KIAA1217: variants seen among roughly 807,000 people sequenced by gnomAD.
The protein encoded by KIAA1217 is sickle tail protein homolog.
KIAA1217 carries 88 observed loss-of-function variants against 163.9 expected under a neutral mutation model. The ratio of observed to expected loss-of-function variants is 0.54; its 90% CI spans 0.45 to 0.64. The LOEUF (loss-of-function observed/expected upper bound fraction) is 0.64. Ranked by LOEUF, KIAA1217 falls within the 30% of genes least tolerant of loss-of-function variation. The probability of loss-of-function intolerance (pLI) is 0.00; values close to 1 mark genes in which losing one functional copy is unlikely to be tolerated. For synonymous variants in KIAA1217, 903 were observed against 923.1 expected (o/e 0.98, Z 0.39); for missense variants, 2,372 against 2,475.0 (o/e 0.96, Z 0.88).
intron 2 of KIAA1217, among the ~76,000 whole-genome samples, chr10:24,087,247 T>A (rs1363792705): frequency 6.6e-6 from 1 of 152,216 alleles, no homozygotes; most frequent in Non-Finnish European, 1.5e-5. Context: ...CTAATGGCAA[T>A]TTTTTCACAG....
At chr10:24,111,550 G>A (rs555784904) in intron 2 of KIAA1217, among the ~76,000 whole-genome samples, 1 of 152,138 alleles carries the variant, frequency 6.6e-6, no homozygotes, top group Non-Finnish European at 1.5e-5. Flanking sequence ...AGCTTAAAAT[G>A]TTTTTTGATT....
chr10:24,132,381 A>G (rs944307192), intron 2 of KIAA1217, among the ~76,000 whole-genome samples: 2 of 152,230 alleles, frequency 1.3e-5, no homozygotes, highest in African/African-American at 4.8e-5. Flanking sequence ...TTGGTCCTGA[A>G]TGCCAGTCGC....
chr10:24,155,923 A>G (rs1213722166), intron 2 of KIAA1217, among the ~76,000 whole-genome samples: 1 of 152,208 alleles, frequency 6.6e-6, no homozygotes, highest in African/African-American at 2.4e-5. Context: ...TTCTGATTAG[A>G]TAACTTCAGA....
intron 1 of KIAA1217, among the ~76,000 whole-genome samples, chr10:23,764,974 A>G (rs1225136938): frequency 6.6e-6 from 1 of 152,126 alleles, no homozygotes; most frequent in Non-Finnish European, 1.5e-5. Context: ...AATACCTGAG[A>G]CTGGGTAATT....
intron 2 of KIAA1217, among the ~76,000 whole-genome samples, chr10:24,187,920 G>A (rs769641947): frequency 4.7e-5 from 7 of 149,950 alleles, no homozygotes; most frequent in East Asian, 2.0e-4. Flanking sequence ...GCAATAGGCC[G>A]GGTGCAGTGG....
chr10:23,988,446 C>T (rs1564590596), intron 1 of KIAA1217, among the ~76,000 whole-genome samples: 1 of 152,206 alleles, frequency 6.6e-6, no homozygotes, highest in Non-Finnish European at 1.5e-5. Context: ...CCCACCCTTT[C>T]AACATTTCTT....
intron 2 of KIAA1217, among the ~76,000 whole-genome samples, chr10:24,260,828 T>A (rs1006879601): frequency 5.9e-5 from 9 of 152,310 alleles, no homozygotes; most frequent in African/African-American, 2.2e-4. Flanking sequence ...TTGTCTAGAC[T>A]TGACAGAATT....
chr10:23,893,201 C>T (rs1332908302), intron 1 of KIAA1217, among the ~76,000 whole-genome samples: 1 of 152,026 alleles, frequency 6.6e-6, no homozygotes, highest in East Asian at 1.9e-4. Context: ...GATTCAACCT[C>T]TTCCTGGTTT....
chr10:24,095,832 G>A (rs573320143), intron 2 of KIAA1217, among the ~76,000 whole-genome samples: 57 of 152,292 alleles, frequency 3.7e-4, no homozygotes, highest in Admixed American at 5.9e-4. Flanking sequence ...TGCACCTGGC[G>A]TGGTGGTTCA....
intron 1 of KIAA1217, among the ~76,000 whole-genome samples, chr10:23,890,671 C>G (rs183087465): frequency 1.8e-4 from 28 of 151,990 alleles, no homozygotes; most frequent in African/African-American, 6.0e-4. Context: ...TGGCATACAG[C>G]CTATATTGAT....
intron 2 of KIAA1217, among the ~76,000 whole-genome samples, chr10:24,098,182 A>T (rs757971145): frequency 1.3e-5 from 2 of 152,116 alleles, no homozygotes; most frequent in Non-Finnish European, 2.9e-5. Flanking sequence ...ATGGAAACAG[A>T]AAAGCTGCAA....
chr10:24,277,623 T>C lies in KIAA1217; in HGVS notation c.354+57714T>C, dbSNP rs567817256. Among the ~76,000 whole-genome samples, 14 of 152,270 alleles carry C rather than the reference T, an allele frequency of 9.2e-5. No individual in the cohort carries two copies. The South Asian group carries it at 2.1e-3, about 23-fold the overall frequency. ...AGTGAGTTCTCATGAAAGCTGATGG[T>C]TTTATAAGGGGCTTTCCCTTTCACT... On this transcript the variant is annotated intron_variant, in intron 2 of 20. Coordinates refer to ENST00000376454, the MANE Select transcript of KIAA1217 (RefSeq NM_019590.5).
chr10:24,131,795 T>C (rs965909377), intron 2 of KIAA1217, among the ~76,000 whole-genome samples: 4 of 152,216 alleles, frequency 2.6e-5, no homozygotes, highest in African/African-American at 9.6e-5. Flanking sequence ...ACCTGGAAGC[T>C]GAGGAAATAA....
At chr10:23,780,141 G>A (rs921994530) in intron 1 of KIAA1217, among the ~76,000 whole-genome samples, 1 of 152,054 alleles carries the variant, frequency 6.6e-6, no homozygotes, top group Non-Finnish European at 1.5e-5. Context: ...CCAAGTTTTT[G>A]TTTTGTTTTT....
intron 1 of KIAA1217, among the ~76,000 whole-genome samples, chr10:23,759,580 G>A (rs80245119): frequency 0.013 from 2,043 of 152,224 alleles, 44 homozygotes; most frequent in African/African-American, 0.047. Flanking sequence ...AGGTACATTA[G>A]TATTTAATTT....
intron 12 of KIAA1217, among the ~76,000 whole-genome samples, chr10:24,522,145 A>G (rs2071389126): frequency 6.6e-6 from 1 of 152,124 alleles, no homozygotes; most frequent in South Asian, 2.1e-4. Context: ...AGCCCATCCT[A>G]GGGTTTAAAA....
intron 1 of KIAA1217, among the ~76,000 whole-genome samples, chr10:23,825,930 G>A (rs1837875052): frequency 6.6e-6 from 1 of 152,156 alleles, no homozygotes; most frequent in African/African-American, 2.4e-5. Flanking sequence ...GGGGAGGAAT[G>A]TGATGCAGAT....
chr10:23,864,644 T>A (rs1205874897), intron 1 of KIAA1217, among the ~76,000 whole-genome samples: 1 of 151,906 alleles, frequency 6.6e-6, no homozygotes, highest in East Asian at 1.9e-4. Context: ...TACACATGAA[T>A]AGGGCTTTTG....
At chr10:24,182,473 G>C (rs774072337) in intron 2 of KIAA1217, among the ~76,000 whole-genome samples, 11 of 47,504 alleles carry the variant, frequency 2.3e-4, no homozygotes, top group South Asian at 7.0e-4. Context: ...CACACACACA[G>C]ACTGTGTTCT....
Sources: gnomAD v4.1 joint callset for allele counts (sites outside exome capture counted in the v4.1 genomes callset) on GRCh38, gnomAD v4.1.1 for gene constraint, MANE v1.5 for transcripts, NCBI Gene and HGNC (gene_info 2026-07-23, HGNC 2026-07-21) for gene names.